The following SMIM36 variants were observed in gnomAD, a reference collection of about 807,000 sequenced individuals.
The protein encoded by SMIM36 is small integral membrane protein 36.
intron 4 of SMIM36, among the ~76,000 whole-genome samples, chr17:55,456,416 A>G (rs1160863096): frequency 6.6e-6 from 1 of 152,312 alleles, no homozygotes; most frequent in East Asian, 1.9e-4. Context: ...ATTTTTAAGT[A>G]CCAATTCACC....
chr17:55,505,285 T>G (rs1447029858), intron 1 of SMIM36, among the ~76,000 whole-genome samples: 1 of 86,200 alleles, frequency 1.2e-5, no homozygotes, highest in Non-Finnish European at 2.1e-5. Flanking sequence ...AAAGAGAATT[T>G]TAGACCAATA....
chr17:55,454,660 T>TA (rs1290206391), intron 4 of SMIM36, among the ~76,000 whole-genome samples: 1 of 152,190 alleles, frequency 6.6e-6, no homozygotes, highest in Non-Finnish European at 1.5e-5. Flanking sequence ...AAACTTGCTT[T>TA]AAAAAAGTGT....
rs558053718 is a variant in SMIM36 at position 55,511,130 on chromosome 17, C to T, written c.205G>A (p.Gly69Arg). 50 of 398,628 alleles carry T rather than the reference C, an allele frequency of 1.3e-4. No homozygotes were observed. The Admixed American group carries it at 1.7e-3, about 14-fold the overall frequency. 24.7% of individuals were successfully genotyped at this position (398,628 alleles called of 1,614,324 possible). The change falls in exon 1 of 5, where the codon GGG becomes AGG. Residue 69 changes from glycine to arginine, a missense_variant. Coordinates refer to ENST00000636752, the Ensembl canonical transcript of SMIM36. Reference sequence around the variant, plus strand: ...CCAGGCCCCTTTGGCCAGTGGGGCCCAGCGACACTTGGGTGCATCACCACC... The same window carrying T: ...CCAGGCCCCTTTGGCCAGTGGGGCCTAGCGACACTTGGGTGCATCACCACC...
chr17:55,484,281 A>C (rs1909569497), intron 1 of SMIM36, among the ~76,000 whole-genome samples: 1 of 152,238 alleles, frequency 6.6e-6, no homozygotes, highest in African/African-American at 2.4e-5. Context: ...TATACATTGC[A>C]CTGCAGGATA....
chr17:55,494,667 G>A (rs1342291666), intron 1 of SMIM36, among the ~76,000 whole-genome samples: 1 of 151,946 alleles, frequency 6.6e-6, no homozygotes, highest in African/African-American at 2.4e-5. Flanking sequence ...GTATACTTTT[G>A]TATATTTTGT....
At chr17:55,460,455 A>AAAAC (rs1909125615) in intron 4 of SMIM36, among the ~76,000 whole-genome samples, 13 of 148,802 alleles carry the variant, frequency 8.7e-5, no homozygotes, top group African/African-American at 2.8e-4. Flanking sequence ...AACAAAACAA[A>AAAAC]AAAAAAGAAC....
intron 1 of SMIM36, among the ~76,000 whole-genome samples, chr17:55,489,613 G>T (rs865950481): frequency 6.6e-6 from 1 of 152,172 alleles, no homozygotes; most frequent in Non-Finnish European, 1.5e-5. Flanking sequence ...TCTGCAATCC[G>T]GATTTTTCTT....
chr17:55,485,249 C>T (rs1304196690), intron 1 of SMIM36, among the ~76,000 whole-genome samples: 1 of 151,990 alleles, frequency 6.6e-6, no homozygotes, highest in African/African-American at 2.4e-5. Flanking sequence ...TGAAAATATT[C>T]ATAATCAAAA....
intron 4 of SMIM36, among the ~76,000 whole-genome samples, chr17:55,457,716 G>T (rs111965927): frequency 6.6e-6 from 1 of 151,632 alleles, no homozygotes; most frequent in Non-Finnish European, 1.5e-5. Flanking sequence ...TAGTAGAGAC[G>T]GGATTCACTA....
intron 1 of SMIM36, among the ~76,000 whole-genome samples, chr17:55,486,284 A>T (rs1009648449): frequency 3.9e-5 from 6 of 152,014 alleles, no homozygotes. Flanking sequence ...TGATCCACAC[A>T]CCTCTGCCTC....
intron 4 of SMIM36, among the ~76,000 whole-genome samples, chr17:55,457,532 T>G (rs1214360408): frequency 1.3e-5 from 2 of 151,934 alleles, no homozygotes; most frequent in Non-Finnish European, 2.9e-5. Flanking sequence ...TTTATTTTTA[T>G]TTTTTGTTTT....
chr17:55,462,890 G>A (rs1281475840), intron 4 of SMIM36, among the ~76,000 whole-genome samples: 1 of 152,160 alleles, frequency 6.6e-6, no homozygotes, highest in Non-Finnish European at 1.5e-5. Context: ...TCTGAGGAAT[G>A]ATAGAAGACT....
At chr17:55,519,007 TC>T in the SMIM36 span, among the ~76,000 whole-genome samples, 3 of 151,124 alleles carry the variant, frequency 2.0e-5, no homozygotes, top group Non-Finnish European at 1.5e-5. Flanking sequence ...TTTTTTTTTT[TC>T]TCTCACCGAG....
At chr17:55,455,365 C>T (rs563653070) in intron 4 of SMIM36, among the ~76,000 whole-genome samples, 7 of 151,020 alleles carry the variant, frequency 4.6e-5, no homozygotes, top group East Asian at 3.9e-4. Flanking sequence ...ACCACCCCCA[C>T]GCTGCCCCCC....
chr17:55,513,650 G>T (rs1910219930), upstream of SMIM36, among the ~76,000 whole-genome samples: 1 of 152,176 alleles, frequency 6.6e-6, no homozygotes, highest in African/African-American at 2.4e-5. Context: ...AGTCTGGATA[G>T]CCCAGGTGCC....
chr17:55,473,202 T>C (rs890064019), intron 3 of SMIM36, among the ~76,000 whole-genome samples: 1 of 152,186 alleles, frequency 6.6e-6, no homozygotes, highest in African/African-American at 2.4e-5. Flanking sequence ...CTTCCCTTCA[T>C]GGAAATTCAT....
chr17:55,481,694 A>AATT lies in SMIM36; in HGVS notation c.*175-2117_*175-2115dup, dbSNP rs1409828826. Reference sequence around the variant, plus strand: ...GAGTTTTAAAGTTGGAAAGCATCATAATTATTATTATTATTTTGAGACAGG... The same window carrying AATT: ...GAGTTTTAAAGTTGGAAAGCATCATAATTATTATTATTATTATTTTGAGACAGG... On this transcript the variant is annotated intron_variant, in intron 1 of 4. Transcript: ENST00000636752. 1.3e-4 allele frequency among the ~76,000 whole-genome samples: 20 copies of AATT among 152,108 alleles called. No individual in the cohort carries two copies. The South Asian group carries it at 4.2e-3, about 32-fold the overall frequency.
Position 55,501,212 on chromosome 17 carries a change from TAATATATA to T in SMIM36, c.*174+9659_*174+9666del, listed in dbSNP as rs1478911277. ...AATATATCTTATATATTATAATATA[TAATATATA>T]TTATATATTATAATATATAATATAG... On this transcript the variant is annotated intron_variant, in intron 1 of 4. Coordinates refer to ENST00000636752, the Ensembl canonical transcript of SMIM36. 8.2e-3 allele frequency among the ~76,000 whole-genome samples: 587 copies of T among 71,844 alleles called. 93 individuals are homozygous for T. Among genetic ancestry groups the T allele is most frequent in the African/African-American group, 0.012 (214 of 17,260 alleles). The allele number at this position is 71,844 out of a possible 152,430, so 47.1% of individuals were successfully genotyped here.
At chr17:55,467,629 C>T (rs1389409596) in intron 3 of SMIM36, among the ~76,000 whole-genome samples, 2 of 152,108 alleles carry the variant, frequency 1.3e-5, no homozygotes, top group Admixed American at 1.3e-4. Flanking sequence ...ATCTCCTGAC[C>T]TCGTGATCCG....
Sources: allele counts gnomAD v4.1 joint callset (sites outside exome capture counted in the v4.1 genomes callset), GRCh38; gene constraint gnomAD v4.1.1; transcripts MANE v1.5; gene names NCBI Gene and HGNC (gene_info 2026-07-23, HGNC 2026-07-21).